The following NRG1 variants were observed in gnomAD, a reference collection of about 807,000 sequenced individuals.
NRG1 encodes pro-neuregulin-1, membrane-bound isoform.
In NRG1, 18 loss-of-function variants were observed where a neutral mutation model predicts 63.8. The ratio of observed to expected loss-of-function variants is 0.28; its 90% CI spans 0.19 to 0.42. The LOEUF (loss-of-function observed/expected upper bound fraction) is 0.42. Ranked by LOEUF, NRG1 falls within the 10% of genes least tolerant of loss-of-function variation. The probability of loss-of-function intolerance (pLI) is 1.00; values close to 1 mark genes in which losing one functional copy is unlikely to be tolerated. For synonymous variants in NRG1, 302 were observed against 301.3 expected (o/e 1.00, Z -0.02); for missense variants, 762 against 814.7 (o/e 0.94, Z 0.79).
chr8:32,772,036 A>AAATGTATATAT (rs1564160296), downstream of NRG1, among the ~76,000 whole-genome samples: 3 of 13,926 alleles, frequency 2.2e-4, no homozygotes, highest in Admixed American at 8.3e-4. Flanking sequence ...AAAAAAAAAA[A>AAATGTATATAT]ATATGTATAT....
At chr8:32,511,592 A>G (rs1251198344) in intron 1 of NRG1, among the ~76,000 whole-genome samples, 1 of 151,888 alleles carries the variant, frequency 6.6e-6, no homozygotes, top group Non-Finnish European at 1.5e-5. Context: ...TAAAGAAGCG[A>G]CAGTAGTTAG....
chr8:31,894,546 C>CTTTCTT (rs1563536134), intron 1 of NRG1, among the ~76,000 whole-genome samples: 11 of 98,064 alleles, frequency 1.1e-4, no homozygotes, highest in African/African-American at 2.7e-4. Flanking sequence ...CTATTTCTTT[C>CTTTCTT]TTTTTTCTTT....
At chr8:31,723,418 C>A (rs542288862) in intron 1 of NRG1, among the ~76,000 whole-genome samples, 1 of 152,100 alleles carries the variant, frequency 6.6e-6, no homozygotes, top group Admixed American at 6.6e-5. Flanking sequence ...TTCCACTTTT[C>A]GTGTGATTCC....
intron 1 of NRG1, among the ~76,000 whole-genome samples, chr8:31,852,691 A>G (rs993144656): frequency 5.3e-4 from 81 of 152,222 alleles, no homozygotes; most frequent in Non-Finnish European, 8.1e-4. Context: ...GCCCATGCCT[A>G]TGTCCTGAAT....
chr8:32,626,325 A>G (rs1849259177), intron 5 of NRG1, among the ~76,000 whole-genome samples: 1 of 152,046 alleles, frequency 6.6e-6, no homozygotes, highest in Admixed American at 6.6e-5. Flanking sequence ...AATGGGAAGT[A>G]AAATATGGCA....
intron 1 of NRG1, among the ~76,000 whole-genome samples, chr8:32,057,913 A>T (rs1823226558): frequency 6.6e-6 from 1 of 152,132 alleles, no homozygotes; most frequent in Non-Finnish European, 1.5e-5. Flanking sequence ...CAATTCAGAA[A>T]AATGTATTTG....
intron 1 of NRG1, among the ~76,000 whole-genome samples, chr8:32,311,329 T>A (rs1856783291): frequency 1.3e-5 from 2 of 151,952 alleles, no homozygotes; most frequent in Admixed American, 1.3e-4. Flanking sequence ...AAGATGAAAA[T>A]ATGTCAATGG....
At chr8:32,176,676 C>T (rs1015411839) in intron 1 of NRG1, among the ~76,000 whole-genome samples, 5 of 152,248 alleles carry the variant, frequency 3.3e-5, no homozygotes, top group Non-Finnish European at 7.4e-5. Flanking sequence ...AGGATATGAA[C>T]AGACACTTCT....
At chr8:32,058,597 T>G (rs544361248) in intron 1 of NRG1, among the ~76,000 whole-genome samples, 1 of 151,988 alleles carries the variant, frequency 6.6e-6, no homozygotes, top group South Asian at 2.1e-4. Context: ...TTACTGGCTA[T>G]TTTAGACTTT....
chr8:32,157,049 CGTGTGTGTGTGTGTGT>C (rs34725608), intron 1 of NRG1, among the ~76,000 whole-genome samples: 23 of 140,996 alleles, frequency 1.6e-4, no homozygotes, highest in African/African-American at 3.7e-4. Flanking sequence ...AATTAAAACT[CGTGTGTGTGTGTGTGT>C]GTGTGTGTGT....
At chr8:32,735,938 C>T (rs1197603602) in intron 6 of NRG1, among the ~76,000 whole-genome samples, 2 of 151,566 alleles carry the variant, frequency 1.3e-5, no homozygotes, top group East Asian at 3.9e-4. Flanking sequence ...CAGCATTTAC[C>T]CATGAGTCTA....
intron 4 of NRG1, among the ~76,000 whole-genome samples, chr8:32,616,566 A>G (rs1246536844): frequency 1.3e-5 from 2 of 152,092 alleles, no homozygotes; most frequent in African/African-American, 4.8e-5. Flanking sequence ...TCTCTCTTGG[A>G]AGTTCAGATA....
chr8:32,757,653 A>T (rs754747644), intron 9 of NRG1, among the ~76,000 whole-genome samples: 1 of 152,148 alleles, frequency 6.6e-6, no homozygotes, highest in Non-Finnish European at 1.5e-5. Context: ...ATAATCTGTC[A>T]CTCTGCATGT....
intron 1 of NRG1, among the ~76,000 whole-genome samples, chr8:32,091,076 G>A (rs555169205): frequency 9.9e-5 from 15 of 152,216 alleles, no homozygotes; most frequent in African/African-American, 1.9e-4. Flanking sequence ...TCAGGAGATC[G>A]AGACCATCCT....
At chr8:32,507,342 T>C (rs1482409924) in intron 1 of NRG1, among the ~76,000 whole-genome samples, 5 of 152,150 alleles carry the variant, frequency 3.3e-5, no homozygotes, top group African/African-American at 4.8e-5. Flanking sequence ...ATAAAGTTTG[T>C]AGGAGACAAT....
At chr8:32,711,204 T>G (rs1321062090) in intron 5 of NRG1, among the ~76,000 whole-genome samples, 3 of 151,970 alleles carry the variant, frequency 2.0e-5, no homozygotes, top group African/African-American at 4.8e-5. Context: ...GGCATGCCAT[T>G]TAACTTTTTT....
chr8:31,780,092 C>T (rs1001076510), intron 1 of NRG1, among the ~76,000 whole-genome samples: 3 of 152,146 alleles, frequency 2.0e-5, no homozygotes, highest in Admixed American at 2.0e-4. Context: ...TAAGAGTTTT[C>T]TGATGATGAG....
chr8:31,687,164 A>G (rs1407422685), intron 1 of NRG1, among the ~76,000 whole-genome samples: 2 of 152,230 alleles, frequency 1.3e-5, no homozygotes, highest in African/African-American at 2.4e-5. Flanking sequence ...AACTAAATGC[A>G]TCGACTATCT....
chr8:32,648,363 C>G, intron 5 of NRG1: 1 of 1,614,050 alleles, frequency 6.2e-7, no homozygotes, highest in Non-Finnish European at 8.5e-7. Context: ...AGAAACTAAT[C>G]TCCAAACTGC....
Sources: allele counts gnomAD v4.1 joint callset (sites outside exome capture counted in the v4.1 genomes callset), GRCh38; gene constraint gnomAD v4.1.1; transcripts MANE v1.5; gene names NCBI Gene and HGNC (gene_info 2026-07-23, HGNC 2026-07-21).